PKD1: variants seen among roughly 807,000 people sequenced by gnomAD.
PKD1 encodes polycystin 1, transient receptor potential channel interacting.
Under a neutral mutation model 361.7 loss-of-function variants are expected in PKD1, and 81 were observed. That is an observed-to-expected ratio of 0.22 (90% confidence interval 0.19 to 0.27). The LOEUF (loss-of-function observed/expected upper bound fraction) is 0.27. Among genes scored for constraint, PKD1 ranks in the 10% least tolerant of loss-of-function variants. The probability of loss-of-function intolerance (pLI) is 1.00; values close to 1 mark genes in which losing one functional copy is unlikely to be tolerated. For synonymous variants in PKD1, 3,615 were observed against 2,818.3 expected (o/e 1.28, Z -8.95); for missense variants, 6,399 against 6,118.3 (o/e 1.05, Z -1.53).
Position 2,112,880 on chromosome 16 carries a change from C to A in PKD1, c.3069G>T (p.Gln1023His). The A allele has an allele frequency of 6.2e-7, 1 of 1,607,086 alleles. No individual in the cohort carries two copies. Among genetic ancestry groups the A allele is most frequent in the East Asian group, 2.2e-5 (1 of 44,884 alleles). The change falls in exon 13 of 46, where the codon CAG (glutamine) becomes CAT (histidine). Residue 1023 changes from glutamine (Q) to histidine (H), a missense_variant. Gln to His is a conservative substitution (Grantham distance 24, BLOSUM62 0). Coordinates refer to ENST00000262304, the MANE Select transcript of PKD1 (RefSeq NM_001009944.3). ...ACAGCACGGCCGGCACTGTGGAGAC[C>A]TGCAGACCCTGCATCCTGTTCATCC... The part of the protein sequence containing the change: ...VERMNRMQGL[Q>H]VSTVPAVLSP...
Position 2,133,137 on chromosome 16 carries a change from A to AGGGAG in PKD1, c.215+2333_215+2337dup, listed in dbSNP as rs1404293933. The AGGGAG allele has an allele frequency of 3.2e-5, 4 of 126,660 alleles. No homozygotes were observed. The East Asian group carries it at 1.0e-3, about 33-fold the overall frequency. 7.8% of individuals were successfully genotyped at this position (126,660 alleles called of 1,614,324 possible). A position where few individuals can be genotyped will look rare whatever the true frequency, so the allele number is the denominator to read the frequency against. ...GGTCAGGAGGGAGAAGGGTCGGGGC[A>AGGGAG]GGGAGGGCAGGGCAGGCTCTGGGGT... On this transcript the variant is annotated intron_variant, in intron 1 of 45. Coordinates refer to ENST00000262304, the MANE Select transcript of PKD1 (RefSeq NM_001009944.3).
chr16:2,106,463 G>A lies in PKD1; in HGVS notation c.7424C>T (p.Ser2475Phe), dbSNP rs754307476. ...AGCGCCCAGTGGGAAGAGGCGGCAA[G>A]AGCCCCCCAGCGGCGGGCGGTTGGG... ...LSPNRPPLGG[S>F]CRLFPLGAVH... The change falls in exon 18 of 46, where the codon TCT becomes TTT. Residue 2475 changes from serine (S) to phenylalanine (F), a missense_variant. By Grantham distance (155) the Ser-to-Phe change is radical. Coordinates refer to ENST00000262304, the MANE Select transcript of PKD1 (RefSeq NM_001009944.3). The surrounding 1 kb of genome is among the most constrained non-coding windows in gnomAD (Gnocchi z 6.5). 5.7e-6 allele frequency: 9 copies of A among 1,590,128 alleles called. No individual in the cohort carries two copies. The highest frequency in any genetic ancestry group is 1.7e-5 in the Admixed American group (1 of 58,686).
chr16:2,118,432 T>C lies in PKD1; in HGVS notation c.560A>G (p.Asn187Ser), dbSNP rs1377500669. The C allele has an allele frequency of 2.4e-6, 3 of 1,229,114 alleles. No individual in the cohort carries two copies. The highest frequency in any genetic ancestry group is 1.5e-5 in the African/African-American group (1 of 66,964). The allele number at this position is 1,229,114 out of a possible 1,614,324, so 76.1% of individuals were successfully genotyped here. ...GEEYVACLPD[N>S]SSGTVAAVSF... is the part of the protein sequence containing the mutation. ...CACTGCTGCCACGGTGCCTGAGCTG[T>C]TGTCAGGGAGGCAGGCGACATACTC... Residue 187 changes from asparagine to serine, a missense_variant, in exon 5 of 46, where the codon AAC (asparagine) becomes AGC (serine). Physicochemically the swap from Asn to Ser is conservative, Grantham distance 46. Transcript: ENST00000262304. The surrounding 1 kb of genome is among the most constrained non-coding windows in gnomAD (Gnocchi z 6.0).
Position 2,106,365 on chromosome 16 carries a change from C to A in PKD1, c.7489+33G>T. ...CCGTGACGTCACAGAGTCGGGGGAT[C>A]CCGCTGCTCCCCCCACGCAGGCCTG... is the stretch of plus-strand genomic sequence containing the variant. On this transcript the variant is annotated intron_variant, in intron 18 of 45. Coordinates refer to ENST00000262304, the MANE Select transcript of PKD1 (RefSeq NM_001009944.3). The surrounding 1 kb of genome is among the most constrained non-coding windows in gnomAD (Gnocchi z 6.5). 1 of 1,597,710 alleles carries A rather than the reference C, an allele frequency of 6.3e-7. No individual in the cohort carries two copies. Among genetic ancestry groups the A allele is most frequent in the African/African-American group, 1.3e-5 (1 of 74,696 alleles).
chr16:2,131,503 ATC>A (rs1195125085), intron 1 of PKD1, among the ~76,000 whole-genome samples: 3 of 149,822 alleles, frequency 2.0e-5, no homozygotes, highest in Non-Finnish European at 4.4e-5. Flanking sequence ...GTGAGACTCC[ATC>A]TCAAATAATA....
At position 2,099,774 on chromosome 16, in the gene PKD1, T is replaced by G. The variant is rs1409338534; in HGVS notation, c.9924-4A>C. On this transcript the variant is annotated splice_polypyrimidine_tract_variant and splice_region_variant and intron_variant, in intron 29 of 45. Transcript: ENST00000262304. ...CAGCCTGGACACATGCCCCGTGCTG[T>G]GTGGAGGAGAGGAGGCCACACAGGT... 6.4e-7 allele frequency: 1 copy of G among 1,554,796 alleles called. No individual in the cohort carries two copies. The highest frequency in any genetic ancestry group is 8.7e-7 in the Non-Finnish European group (1 of 1,149,826).
Position 2,088,881 on chromosome 16 carries a change from G to GCTCACA in PKD1, c.*845_*846insTGTGAG. ...ACAGCACACTCGCGCGTGCGCGCGCGCACACACACACACACACAGTCACCT... is the reference window on the plus strand; with the variant it reads ...ACAGCACACTCGCGCGTGCGCGCGCGCTCACACACACACACACACACACAGTCACCT... On this transcript the variant is annotated 3_prime_UTR_variant, in exon 46 of 46. Coordinates refer to ENST00000262304, the MANE Select transcript of PKD1 (RefSeq NM_001009944.3). The GCTCACA allele has an allele frequency of 2.4e-6, 1 of 420,700 alleles. No homozygotes were observed. The highest frequency in any genetic ancestry group is 4.3e-6 in the Non-Finnish European group (1 of 230,698). 26.1% of individuals were successfully genotyped at this position (420,700 alleles called of 1,614,324 possible).
intron 1 of PKD1, among the ~76,000 whole-genome samples, chr16:2,121,847 T>C (rs572537853): frequency 2.6e-5 from 4 of 152,160 alleles, no homozygotes; most frequent in Middle Eastern, 3.4e-3. Context: ...GGTGTCACCC[T>C]CCCCACGAGT....
rs1348781162 is a variant in PKD1 at position 2,090,312 on chromosome 16, G to A, written c.12417C>T (p.Leu4139=). The A allele has an allele frequency of 3.1e-6, 5 of 1,611,370 alleles. No individual in the cohort carries two copies. Among genetic ancestry groups the A allele is most frequent in the Non-Finnish European group, 4.2e-6 (5 of 1,179,054 alleles). Residue 4139 remains leucine (L), a synonymous_variant, in exon 45 of 46, where the codon CTC becomes CTT. Transcript: ENST00000262304. ...CCTTGACCTTGCTGAGGCCCATCCA[G>A]AGGCGCAGCCTGCGCAGGAACAACT... ...MVELFLRRLR[L]WMGLSKVKEF...
At position 2,099,974 on chromosome 16, in the gene PKD1, C is replaced by T. The variant is rs775719727; in HGVS notation, c.9810G>A (p.Pro3270=). The T allele has an allele frequency of 1.4e-5, 22 of 1,562,836 alleles. No individual in the cohort carries two copies. Among genetic ancestry groups the T allele is most frequent in the South Asian group, 3.5e-5 (3 of 85,640 alleles). Reference sequence around the variant, plus strand: ...GGATGCGAGTGAAACGGCTACGAGGCGGCCGGTCCCATATGGAGAGCCAGA... The same window carrying T: ...GGATGCGAGTGAAACGGCTACGAGGTGGCCGGTCCCATATGGAGAGCCAGA... ...KHIWLSIWDR[P]PRSRFTRIQR... Residue 3270 remains proline (P), a synonymous_variant, in exon 29 of 46, where the codon CCG becomes CCA. Coordinates refer to ENST00000262304, the MANE Select transcript of PKD1 (RefSeq NM_001009944.3).
At position 2,099,916 on chromosome 16, in the gene PKD1, G is replaced by C. The variant is rs2092020440; in HGVS notation, c.9868C>G (p.Leu3290Val). Residue 3290 changes from leucine to valine, a missense_variant, in exon 29 of 46, where the codon CTC becomes GTC. Leu to Val is a conservative substitution (Grantham distance 32). Coordinates refer to ENST00000262304, the MANE Select transcript of PKD1 (RefSeq NM_001009944.3). ...RATCCVLLIC[L>V]FLGANAVWYG... Reference sequence around the variant, plus strand: ...CACACGGCGTTGGCGCCCAGGAAGAGGCAGATGAGGAGAACGCAGCAGGTG... The same window carrying C: ...CACACGGCGTTGGCGCCCAGGAAGACGCAGATGAGGAGAACGCAGCAGGTG... The C allele has an allele frequency of 3.2e-6, 5 of 1,565,722 alleles. No individual in the cohort carries two copies. The South Asian group carries it at 5.8e-5, about 18-fold the overall frequency.
In PKD1 at chr16:2,111,152, C is replaced by T. The variant is rs147141131; in HGVS notation, c.4015G>A (p.Val1339Met). ...TFGDGSSNTT[V>M]RGCPTVTHNF... ...TGTGTCACCGTCGGGCACCCCCGCA[C>T]GGTCGTGTTGGAGGAGCCATCCCCG... The change falls in exon 15 of 46, where the codon GTG (valine) becomes ATG (methionine). Residue 1339 changes from valine to methionine, a missense_variant. Transcript: ENST00000262304. The T allele has an allele frequency of 2.4e-4, 394 of 1,611,168 alleles. No homozygotes were observed. Among genetic ancestry groups the T allele is most frequent in the Non-Finnish European group, 2.9e-4 (342 of 1,179,758 alleles).
At chr16:2,116,485 G>GGGCA in intron 8 of PKD1, 44 bp downstream of exon 8, 2 of 1,100,952 alleles carry the variant, frequency 1.8e-6, no homozygotes, top group Non-Finnish European at 2.7e-6. Flanking sequence ...AGGCCTCCAG[G>GGGCA]GGCAGGCAGG....
rs76981724 is a variant in PKD1 at position 2,110,827 on chromosome 16, G to A, written c.4340C>T (p.Ala1447Val). The change falls in exon 15 of 46, where the codon GCG (alanine) becomes GTG (valine). Residue 1447 changes from alanine to valine, a missense_variant. By Grantham distance (64) the Ala-to-Val change is moderately conservative. Coordinates refer to ENST00000262304, the MANE Select transcript of PKD1 (RefSeq NM_001009944.3). ...DPGSYLVTVT[A>V]SNNISAANDS... is the part of the protein sequence containing the mutation. ...ATTGGCAGCAGAGATGTTGTTGGACGCGGTGACTGTCACAAGATAGGAGCC... is the reference window on the plus strand; with the variant it reads ...ATTGGCAGCAGAGATGTTGTTGGACACGGTGACTGTCACAAGATAGGAGCC... The A allele has an allele frequency of 1.2e-4, 193 of 1,611,710 alleles. 2 individuals carry two copies. The East Asian group carries it at 3.9e-3, about 33-fold the overall frequency.
At position 2,100,476 on chromosome 16, in the gene PKD1, T is replaced by C; in HGVS notation, c.9488A>G (p.Asn3163Ser). Residue 3163 changes from asparagine to serine, a missense_variant, in exon 27 of 46, where the codon AAC becomes AGC. Physicochemically the swap from Asn to Ser is conservative, Grantham distance 46. Coordinates refer to ENST00000262304, the MANE Select transcript of PKD1 (RefSeq NM_001009944.3). This position sits in a 1 kb window ranked among gnomAD's most constrained non-coding sequence, Gnocchi z 4.4. ...HLDGDRAFHR[N>S]SLDIFRIATP... is the part of the protein sequence containing the mutation. ...GGCGATCCGGAAGATGTCCAGGCTG[T>C]TGCGGTGGAAGGCTCTGTCGCCGTC... The C allele has an allele frequency of 6.2e-7, 1 of 1,610,788 alleles. No individual in the cohort carries two copies. Among genetic ancestry groups the C allele is most frequent in the South Asian group, 1.1e-5 (1 of 90,990 alleles).
rs1213686661 is a variant in PKD1 at position 2,117,016 on chromosome 16, C to A, written c.1423G>T (p.Gly475Trp). The A allele has an allele frequency of 3.8e-6, 6 of 1,586,748 alleles. No homozygotes were observed. The highest frequency in any genetic ancestry group is 2.2e-5 in the East Asian group (1 of 44,606). The change falls in exon 7 of 46, where the codon GGG becomes TGG. Residue 475 changes from glycine (G) to tryptophan (W), a missense_variant. By Grantham distance (184) the Gly-to-Trp change is radical (BLOSUM62 -2). Coordinates refer to ENST00000262304, the MANE Select transcript of PKD1 (RefSeq NM_001009944.3). ...TGCGGCGCTGGGCCCACCTCCACCC[C>A]CTGCACAGTCGAGAAGCCGATCCAC... ...DVWIGFSTVQGVEVGPAPQGE... is the reference protein window; with the variant it reads ...DVWIGFSTVQWVEVGPAPQGE...
rs1596502504 is a variant in PKD1 at position 2,097,666 on chromosome 16, A to C, written c.10220+62T>G. 2.5e-6 allele frequency: 4 copies of C among 1,610,270 alleles called. No homozygotes were observed. The East Asian group carries it at 8.9e-5, about 36-fold the overall frequency. On this transcript the variant is annotated intron_variant, in intron 32 of 45. Coordinates refer to ENST00000262304, the MANE Select transcript of PKD1 (RefSeq NM_001009944.3). Reference sequence around the variant, plus strand: ...CCCAGCAAGGACACGCAGCCCGCACACCCCCGGCACCCCAGACACAGTGAC... The same window carrying C: ...CCCAGCAAGGACACGCAGCCCGCACCCCCCCGGCACCCCAGACACAGTGAC...
In PKD1 at chr16:2,110,718, C is replaced by T. The variant is rs765489489; in HGVS notation, c.4449G>A (p.Gln1483=). Residue 1483 remains glutamine, a synonymous_variant, in exon 15 of 46, where the codon CAG becomes CAA. Coordinates refer to ENST00000262304, the MANE Select transcript of PKD1 (RefSeq NM_001009944.3). ...GGCCCACAGCAGAGAACAGGTACGG[C>T]TGCTGCAGCTCCAGCCCAAGGGAGC... The part of the protein sequence containing the change: ...VNGSLGLELQ[Q]PYLFSAVGRG... 1.9e-6 allele frequency: 3 copies of T among 1,610,244 alleles called. No individual in the cohort carries two copies. The highest frequency in any genetic ancestry group is 3.3e-5 in the Admixed American group (2 of 59,996).
rs550330529 is a variant in PKD1, at chr16:2,108,093, C to A, written c.6916-61G>T. 11 of 1,578,162 alleles carry A rather than the reference C, an allele frequency of 7.0e-6. No individual in the cohort carries two copies. The African/African-American group carries it at 8.1e-5, about 12-fold the overall frequency. On this transcript the variant is annotated intron_variant, in intron 15 of 45. Transcript: ENST00000262304. The stretch of plus-strand genomic sequence containing the variant: ...AGCCCCATCCAGTTTTAAAGCAGAG[C>A]CCGGCCCAGGAGACAGCGCGGGAGA...
Sources: allele counts gnomAD v4.1 joint callset (sites outside exome capture counted in the v4.1 genomes callset), GRCh38; gene constraint gnomAD v4.1.1; non-coding constraint Gnocchi (gnomAD v3.1); transcripts MANE v1.5; gene names NCBI Gene and HGNC (gene_info 2026-07-23, HGNC 2026-07-21).